Variants in PKNOX1 observed in about 807,000 individuals in gnomAD.
The protein encoded by PKNOX1 is PBX/knotted 1 homeobox 1.
In PKNOX1, 15 loss-of-function variants were observed where a neutral mutation model predicts 51.9. The observed-to-expected ratio is 0.29, with a 90% CI of 0.19 to 0.45. The LOEUF is 0.45. Among genes scored for constraint, PKNOX1 ranks in the 20% least tolerant of loss-of-function variants. The probability of loss-of-function intolerance (pLI) is 1.00; values close to 1 mark genes in which losing one functional copy is unlikely to be tolerated. For synonymous variants in PKNOX1, 219 were observed against 211.1 expected, an observed-to-expected ratio of 1.04 and a Z score of -0.32; for missense variants, 462 against 547.5, an observed-to-expected ratio of 0.84 and a Z score of 1.56.
chr21:43,022,334 C>T (rs1979799135), intron 8 of PKNOX1, among the ~76,000 whole-genome samples: 1 of 152,254 alleles, frequency 6.6e-6, no homozygotes, highest in Non-Finnish European at 1.5e-5. Flanking sequence ...TTGCCCTCCC[C>T]TGACTGTGGG....
Position 43,030,071 on chromosome 21 carries a change from G to A in PKNOX1, c.1281G>A (p.Leu427=). 1 of 1,606,512 alleles carries A rather than the reference G, an allele frequency of 6.2e-7. No homozygotes were observed. The highest frequency in any genetic ancestry group is 2.2e-5 in the East Asian group (1 of 44,628). ...TGGCCCCTGCCCACATCAGCGGGCT[G>A]GTCTTGGAGAACAGTGACTCCCTGC... is the stretch of plus-strand genomic sequence containing the variant. ...GALAPAHISG[L]VLENSDSLQ Residue 427 remains leucine (L), a synonymous_variant, in exon 11 of 11, where the codon CTG becomes CTA. Coordinates refer to ENST00000291547, the MANE Select transcript of PKNOX1 (RefSeq NM_004571.5).
At chr21:42,989,007 G>A (rs1373737360) in intron 1 of PKNOX1, among the ~76,000 whole-genome samples, 3 of 151,412 alleles carry the variant, frequency 2.0e-5, no homozygotes, top group Non-Finnish European at 4.4e-5. Flanking sequence ...GGGACCCTGC[G>A]GGCTGGATGA....
rs187567069 is a variant in PKNOX1 at position 43,006,168 on chromosome 21, G to A, written c.52-1323G>A. Among the ~76,000 whole-genome samples the A allele has an allele frequency of 8.6e-5, 13 of 151,700 alleles. No homozygotes were observed. In the East Asian group the frequency reaches 1.2e-3, roughly 14 times the overall value. On this transcript the variant is annotated intron_variant, in intron 2 of 10. Transcript: ENST00000291547. ...AGACAGAGTCTTGCTCTGTTGCCCC[G>A]GCTGGAGTGCAGTGGTGTGATCTCA...
At chr21:42,974,968 C>T (rs1295448660) in intron 1 of PKNOX1, among the ~76,000 whole-genome samples, 1 of 146,364 alleles carries the variant, frequency 6.8e-6, no homozygotes, top group African/African-American at 2.5e-5. Flanking sequence ...TTCTGGAAGG[C>T]GCCGCCGCCG....
intron 2 of PKNOX1, among the ~76,000 whole-genome samples, chr21:43,005,130 A>G (rs1978930582): frequency 6.6e-6 from 1 of 152,168 alleles, no homozygotes; most frequent in Non-Finnish European, 1.5e-5. Context: ...ACCCACTGGC[A>G]TTTGGCTCAT....
intron 1 of PKNOX1, among the ~76,000 whole-genome samples, chr21:42,981,433 A>G (rs532267742): frequency 6.6e-6 from 1 of 152,392 alleles, no homozygotes; most frequent in East Asian, 1.9e-4. Flanking sequence ...GTGGTAATTC[A>G]GTCAACGTGT....
At chr21:42,997,717 A>C (rs1019317148) in intron 1 of PKNOX1, among the ~76,000 whole-genome samples, 1 of 152,144 alleles carries the variant, frequency 6.6e-6, no homozygotes, top group African/African-American at 2.4e-5. Context: ...TGTGGGTGAG[A>C]TTCATCAGGA....
At chr21:43,003,650 G>A (rs750954010) in intron 1 of PKNOX1, among the ~76,000 whole-genome samples, 1 of 152,198 alleles carries the variant, frequency 6.6e-6, no homozygotes, top group Non-Finnish European at 1.5e-5. Context: ...TCTTGACCCT[G>A]TGTATTGTGT....
rs1979748553 is a variant in PKNOX1, at chr21:43,021,422, G to T, written c.840G>T (p.Gln280His). The T allele has an allele frequency of 1.9e-6, 3 of 1,608,410 alleles. No individual in the cohort carries two copies. The highest frequency in any genetic ancestry group is 1.3e-5 in the African/African-American group (1 of 74,796). ...ACGTGATGCGGTCCTGGCTCTTCCA[G>T]CACATCGGGGTAAGGACGGCTGGGC... is the stretch of plus-strand genomic sequence containing the variant. Reference protein sequence around the residue: ...ATNVMRSWLFQHIGHPYPTED... With the variant: ...ATNVMRSWLFHHIGHPYPTED... The change falls in exon 8 of 11, where the codon CAG (glutamine) becomes CAT (histidine). Residue 280 changes from glutamine to histidine, a missense_variant. Physicochemically the swap from Gln to His is conservative, Grantham distance 24 (BLOSUM62 0). This residue lies in a region of PKNOX1 where 75 missense variants were observed against 129.8 expected (regional missense o/e 0.58). Coordinates refer to ENST00000291547, the MANE Select transcript of PKNOX1 (RefSeq NM_004571.5). This position sits in a 1 kb window ranked among gnomAD's most constrained non-coding sequence, Gnocchi z 4.6.
intron 1 of PKNOX1, among the ~76,000 whole-genome samples, chr21:42,975,856 G>C (rs1313403534): frequency 6.6e-6 from 1 of 152,258 alleles, no homozygotes; most frequent in Non-Finnish European, 1.5e-5. Flanking sequence ...CAGGATGAAA[G>C]AAACCCCCAG....
In PKNOX1 at chr21:43,032,916, A is replaced by G. The variant is rs1256090051; in HGVS notation, c.*2815A>G. ...ATCACTGCCCAGCATGTTTGAGGTC[A>G]GTTGGCACCTTAAAACACCTGTTCT... On this transcript the variant is annotated 3_prime_UTR_variant, in exon 11 of 11. Transcript: ENST00000291547. 1.3e-5 allele frequency: 2 copies of G among 152,176 alleles called. No homozygotes were observed. The highest frequency in any genetic ancestry group is 2.9e-5 in the Non-Finnish European group (2 of 68,042). The allele number at this position is 152,176 out of a possible 1,614,324, so 9.4% of individuals were successfully genotyped here.
At chr21:43,008,964 GATGA>G (rs1261098966) in intron 3 of PKNOX1, among the ~76,000 whole-genome samples, 1 of 152,156 alleles carries the variant, frequency 6.6e-6, no homozygotes, top group African/African-American at 2.4e-5. Flanking sequence ...CCCATCAACT[GATGA>G]ATGAACAGAC....
intron 7 of PKNOX1, among the ~76,000 whole-genome samples, chr21:43,019,084 C>CAA (rs57172994): frequency 5.1e-5 from 6 of 118,508 alleles, no homozygotes; most frequent in Non-Finnish European, 3.5e-5. Context: ...GACTCCATCT[C>CAA]AAAAAAAAAA....
intron 9 of PKNOX1, among the ~76,000 whole-genome samples, chr21:43,027,856 C>T (rs923180340): frequency 6.6e-6 from 1 of 151,998 alleles, no homozygotes; most frequent in Non-Finnish European, 1.5e-5. Context: ...GCGGAGGTTG[C>T]GGTGAGCTGA....
At chr21:42,977,731 T>C (rs1788469) in intron 1 of PKNOX1, among the ~76,000 whole-genome samples, 54,002 of 151,328 alleles carry the variant, frequency 0.36, 9,943 homozygotes, top group African/African-American at 0.41. Flanking sequence ...GTATTTTTAG[T>C]AGAGACGGGC....
At chr21:42,985,656 G>C (rs570622039) in intron 1 of PKNOX1, among the ~76,000 whole-genome samples, 1 of 151,676 alleles carries the variant, frequency 6.6e-6, no homozygotes, top group Admixed American at 6.6e-5. Context: ...ACTTTGATGC[G>C]AATTTAAATT....
Position 43,007,568 on chromosome 21 carries a change from C to G in PKNOX1, c.129C>G (p.Pro43=), listed in dbSNP as rs745657152. ...SEPDAEGVSP[P]PVESQTPMDV... The stretch of plus-strand genomic sequence containing the variant: ...CCGATGCAGAAGGAGTGAGCCCTCC[C>G]CCTGTGGAGTCTCAGACCCCGATGG... The change falls in exon 3 of 11, where the codon CCC becomes CCG. Residue 43 remains proline (P), a synonymous_variant. Transcript: ENST00000291547. The G allele has an allele frequency of 1.2e-6, 2 of 1,614,012 alleles. No homozygotes were observed. The highest frequency in any genetic ancestry group is 1.7e-5 in the Admixed American group (1 of 59,998).
At position 43,025,018 on chromosome 21, in the gene PKNOX1, A is replaced by G. The variant is rs1218339331; in HGVS notation, c.926+71A>G. On this transcript the variant is annotated intron_variant, in intron 9 of 10. Transcript: ENST00000291547. ...CACTTGGAAACCCTGGCACCAATAC[A>G]TGGTGAAATCTTGCTGAAAATAGGA... 8 of 917,112 alleles carry G rather than the reference A, an allele frequency of 8.7e-6. No individual in the cohort carries two copies. In the East Asian group the frequency reaches 1.2e-4, roughly 14 times the overall value. 56.8% of individuals were successfully genotyped at this position (917,112 alleles called of 1,614,324 possible).
chr21:42,985,661 T>G (rs189413860), intron 1 of PKNOX1, among the ~76,000 whole-genome samples: 1 of 152,192 alleles, frequency 6.6e-6, no homozygotes, highest in African/African-American at 2.4e-5. Context: ...GATGCGAATT[T>G]AAATTTACCA....
Sources: allele counts gnomAD v4.1 joint callset (sites outside exome capture counted in the v4.1 genomes callset), GRCh38; gene constraint gnomAD v4.1.1; regional missense constraint gnomAD v4.1.1; non-coding constraint Gnocchi (gnomAD v3.1); transcripts MANE v1.5; gene names NCBI Gene and HGNC (gene_info 2026-07-23, HGNC 2026-07-21).